DPEP1: variants seen among roughly 807,000 people sequenced by gnomAD.
DPEP1 encodes dipeptidase 1.
DPEP1 carries 50 observed loss-of-function variants against 42.3 expected under a neutral mutation model. The ratio of observed to expected loss-of-function variants is 1.18; its 90% CI spans 0.94 to 1.50. The LOEUF is 1.50. DPEP1 is among the 40% of genes most tolerant of loss of function. The probability of loss-of-function intolerance (pLI) is 0.00; values close to 1 mark genes in which losing one functional copy is unlikely to be tolerated. For synonymous variants in DPEP1, 297 were observed against 234.0 expected, an observed-to-expected ratio of 1.27 and a Z score of -2.46; for missense variants, 663 against 553.0, an observed-to-expected ratio of 1.20 and a Z score of -1.99.
rs202145789 is a variant in DPEP1 at position 89,638,114 on chromosome 16, C to T, written c.1128C>T (p.Ser376=). 39 of 1,612,412 alleles carry T rather than the reference C, an allele frequency of 2.4e-5. No individual in the cohort carries two copies. In the African/African-American group the frequency reaches 4.0e-4, roughly 17 times the overall value. ...EPIPLDQLGG[S]CRTHYGYSSG... ...TCCCGCTGGACCAGCTGGGTGGCTC[C>T]TGCAGGACCCATTACGGCTACTCCT... is the stretch of plus-strand genomic sequence containing the variant. The change falls in exon 11 of 11, where the codon TCC becomes TCT. Residue 376 remains serine, a synonymous_variant. Transcript: ENST00000690203.
chr16:89,613,752 A>G (rs901683947), intron 1 of DPEP1, 33 bp downstream of exon 1: 1 of 155,144 alleles, frequency 6.4e-6, no homozygotes, highest in African/African-American at 2.4e-5. Flanking sequence ...GCGCCAGGGT[A>G]CTGGGGTGCC....
chr16:89,620,777 G>C (rs909748188), intron 1 of DPEP1: 37 of 152,400 alleles, frequency 2.4e-4, no homozygotes, highest in African/African-American at 8.4e-4. Flanking sequence ...CCCGCGCATG[G>C]TGAGTCTCGG....
intron 2 of DPEP1, among the ~76,000 whole-genome samples, chr16:89,631,662 C>T (rs2250598): frequency 0.44 from 66,394 of 151,994 alleles, 14,868 homozygotes; most frequent in Middle Eastern, 0.66. Context: ...TCAAGACCAG[C>T]CTGGCCAACA....
At chr16:89,623,587 C>G in intron 1 of DPEP1, among the ~76,000 whole-genome samples, 1 of 152,086 alleles carries the variant, frequency 6.6e-6, no homozygotes, top group East Asian at 1.9e-4. Flanking sequence ...GATCTGCTTC[C>G]CTGACGGGAG....
intron 2 of DPEP1, among the ~76,000 whole-genome samples, chr16:89,631,941 A>G (rs935592497): frequency 6.6e-6 from 1 of 152,186 alleles, no homozygotes; most frequent in Non-Finnish European, 1.5e-5. Flanking sequence ...TAAAATGGCC[A>G]TGCCAGCTTC....
intron 6 of DPEP1, 87 bp from the exon 7 acceptor site, chr16:89,637,117 A>T: frequency 6.5e-7 from 1 of 1,545,212 alleles, no homozygotes; most frequent in East Asian, 2.3e-5. Flanking sequence ...GCCACGAAGG[A>T]TGATGACTCA....
downstream of DPEP1, among the ~76,000 whole-genome samples, chr16:89,641,511 A>G (rs1032800808): frequency 2.6e-5 from 4 of 152,216 alleles, no homozygotes; most frequent in African/African-American, 9.6e-5. Flanking sequence ...TTATTATAAT[A>G]TTGGAATAAA....
chr16:89,637,881 C>T lies in DPEP1; in HGVS notation c.975C>T (p.Ile325=), dbSNP rs764111326. Residue 325 remains isoleucine, a synonymous_variant, in exon 10 of 11, where the codon ATC becomes ATT. Coordinates refer to ENST00000690203, the MANE Select transcript of DPEP1 (RefSeq NM_001389466.1). ...ACGTCTCCAAGTATCCAGACCTGAT[C>T]GCTGAGCTGCTCAGGAGGAACTGGA... ...LEDVSKYPDL[I]AELLRRNWTE... 5 of 1,612,552 alleles carry T rather than the reference C, an allele frequency of 3.1e-6. No homozygotes were observed. Among genetic ancestry groups the T allele is most frequent in the South Asian group, 2.2e-5 (2 of 91,066 alleles).
downstream of DPEP1, chr16:89,640,734 A>T: frequency 1.5e-6 from 1 of 675,490 alleles, no homozygotes; most frequent in Non-Finnish European, 1.8e-6. Context: ...TTTTATTAAC[A>T]GTATTTGTAG....
intron 2 of DPEP1, among the ~76,000 whole-genome samples, chr16:89,632,227 A>G (rs1440236622): frequency 6.6e-6 from 1 of 151,880 alleles, no homozygotes; most frequent in African/African-American, 2.4e-5. Context: ...TTTTTTTGGT[A>G]TTTTTAGTAG....
intron 1 of DPEP1, among the ~76,000 whole-genome samples, chr16:89,628,363 T>A (rs2059544513): frequency 6.6e-6 from 1 of 151,302 alleles, no homozygotes; most frequent in Non-Finnish European, 1.5e-5. Flanking sequence ...ATTCAAGCGA[T>A]TCTCCTGCCT....
intron 1 of DPEP1, among the ~76,000 whole-genome samples, chr16:89,626,077 T>G (rs902023029): frequency 1.8e-4 from 27 of 152,160 alleles, no homozygotes; most frequent in African/African-American, 5.1e-4. Context: ...CTGCCCCCCG[T>G]CCTCCCGCCA....
chr16:89,637,918 G>A lies in DPEP1; in HGVS notation c.1012G>A (p.Val338Ile), dbSNP rs377441432. Residue 338 changes from valine (V) to isoleucine (I), a missense_variant, in exon 10 of 11, where the codon GTC becomes ATC. Val to Ile is a conservative substitution (Grantham distance 29). Coordinates refer to ENST00000690203, the MANE Select transcript of DPEP1 (RefSeq NM_001389466.1). The stretch of plus-strand genomic sequence containing the variant: ...CAGGAGGAACTGGACGGAGGCGGAG[G>A]TCAAGGGCGCACTGGCTGACAACCT... ...LLRRNWTEAE[V>I]KGALADNLLR... 1 of 1,611,942 alleles carries A rather than the reference G, an allele frequency of 6.2e-7. No homozygotes were observed. The highest frequency in any genetic ancestry group is 1.1e-5 in the South Asian group (1 of 90,968).
Position 89,634,556 on chromosome 16 carries a change from T to TTTCCCTTCCTTC in DPEP1, c.105-1352_105-1351insTTCCCTTCCTTC. ...CTTCCTTCTCCTTTCCCCTTCCTTC[T>TTTCCCTTCCTTC]CCTTTCCCTTCCTTCTCCTTTCCCC... On this transcript the variant is annotated intron_variant, in intron 2 of 10. Transcript: ENST00000690203. Among the ~76,000 whole-genome samples, 4 of 9,258 alleles carry TTTCCCTTCCTTC rather than the reference T, an allele frequency of 4.3e-4. 1 individual carries two copies. The highest frequency in any genetic ancestry group is 1.4e-3 in the Non-Finnish European group (3 of 2,130). The allele number at this position is 9,258 out of a possible 152,430, so 6.1% of individuals were successfully genotyped here. A position where few individuals can be genotyped will look rare whatever the true frequency, so the allele number is the denominator to read the frequency against.
intron 2 of DPEP1, among the ~76,000 whole-genome samples, chr16:89,631,980 G>A (rs1320998778): frequency 6.6e-6 from 1 of 152,160 alleles, no homozygotes; most frequent in African/African-American, 2.4e-5. Context: ...CTGGCCAGCA[G>A]GGAGGAGGGA....
downstream of DPEP1, among the ~76,000 whole-genome samples, chr16:89,640,246 C>A (rs1488908555): frequency 1.3e-5 from 2 of 152,196 alleles, no homozygotes; most frequent in Non-Finnish European, 2.9e-5. Flanking sequence ...GAGGGGACTG[C>A]CCTCACAGCC....
chr16:89,634,317 G>C (rs1418059022), intron 2 of DPEP1, among the ~76,000 whole-genome samples: 2 of 152,014 alleles, frequency 1.3e-5, no homozygotes, highest in Non-Finnish European at 2.9e-5. Flanking sequence ...TCGATCTCCT[G>C]ACCTTGTGAT....
downstream of DPEP1, among the ~76,000 whole-genome samples, chr16:89,639,935 A>T (rs1458005492): frequency 6.6e-6 from 1 of 151,984 alleles, no homozygotes; most frequent in African/African-American, 2.4e-5. Flanking sequence ...TCAGCCTCCC[A>T]AAGTGCTGGG....
Position 89,630,523 on chromosome 16 carries a change from T to C in DPEP1, c.104+9T>C. On this transcript the variant is annotated intron_variant, in intron 2 of 10. Coordinates refer to ENST00000690203, the MANE Select transcript of DPEP1 (RefSeq NM_001389466.1). ...TCCCCTGTCATTGATGGGTGAGTGC[T>C]CACCTGAGCCAGGTGCTTAGGGAAC... The C allele has an allele frequency of 6.4e-7, 1 of 1,552,012 alleles. No homozygotes were observed. The highest frequency in any genetic ancestry group is 8.7e-7 in the Non-Finnish European group (1 of 1,147,896).
Sources: gnomAD v4.1 joint callset for allele counts (sites outside exome capture counted in the v4.1 genomes callset) on GRCh38, gnomAD v4.1.1 for gene constraint, MANE v1.5 for transcripts, NCBI Gene and HGNC (gene_info 2026-07-23, HGNC 2026-07-21) for gene names.